Variants in NLRP2 observed in about 807,000 individuals in gnomAD.
NLRP2 encodes NLR family pyrin domain containing 2, also known as NACHT, LRR and PYD domains-containing protein 2.
NLRP2 carries 107 observed loss-of-function variants against 97.2 expected under a neutral mutation model. That is an observed-to-expected ratio of 1.10 (90% CI 0.94 to 1.29). The LOEUF is 1.29. NLRP2 is among the 50% of genes most tolerant of loss of function. The pLI, the probability that NLRP2 is intolerant of heterozygous loss-of-function variation, is 0.00. For synonymous variants in NLRP2, 663 were observed against 551.5 expected (o/e 1.20, Z -2.83); for missense variants, 1,495 against 1,330.3 (o/e 1.12, Z -1.93).
chr19:54,975,482 C>A lies in NLRP2; in HGVS notation c.325+938C>A, dbSNP rs546957441. Among the ~76,000 whole-genome samples the A allele has an allele frequency of 2.1e-5, 3 of 142,210 alleles. 1 individual carries two copies. Among genetic ancestry groups the A allele is most frequent in the African/African-American group, 8.1e-5 (3 of 37,086 alleles). 93.3% of individuals were successfully genotyped at this position (142,210 alleles called of 152,430 possible). ...TTTTTTTTTTTTTGAGATAGAGTCTCTCTCTGTTGCCCAGGCTGGAGTGCA... is the reference window on the plus strand; with the variant it reads ...TTTTTTTTTTTTTGAGATAGAGTCTATCTCTGTTGCCCAGGCTGGAGTGCA... On this transcript the variant is annotated intron_variant, in intron 3 of 12. Coordinates refer to ENST00000448584, the MANE Select transcript of NLRP2 (RefSeq NM_017852.5).
chr19:54,974,295 A>C, intron 2 of NLRP2: 2 of 620,110 alleles, frequency 3.2e-6, no homozygotes, highest in Non-Finnish European at 5.7e-6. Context: ...CAGAGGTTGC[A>C]GTGAGCCAAG....
intron 4 of NLRP2, among the ~76,000 whole-genome samples, chr19:54,979,319 C>T (rs1175389442): frequency 2.0e-5 from 3 of 151,844 alleles, no homozygotes; most frequent in Non-Finnish European, 4.4e-5. Flanking sequence ...GCTTACTCCA[C>T]ATTCCCTCTT....
chr19:54,976,056 CTTTT>C (rs75652002), intron 3 of NLRP2, among the ~76,000 whole-genome samples: 30 of 148,468 alleles, frequency 2.0e-4, no homozygotes, highest in Admixed American at 4.7e-4. Flanking sequence ...GCCATGAAGA[CTTTT>C]TTTTTTTGGA....
chr19:54,973,615 C>T (rs1000461590), intron 2 of NLRP2, among the ~76,000 whole-genome samples: 8 of 152,060 alleles, frequency 5.3e-5, no homozygotes, highest in Non-Finnish European at 1.2e-4. Context: ...CTCAGGTGAT[C>T]TGCCCACCTC....
upstream of NLRP2, among the ~76,000 whole-genome samples, chr19:54,965,549 G>A (rs2070335229): frequency 2.3e-5 from 2 of 88,746 alleles, no homozygotes; most frequent in Non-Finnish European, 4.7e-5. Context: ...TCCGCCTCCC[G>A]GGTTCACGCC....
At chr19:54,972,075 C>A (rs141573213) in intron 2 of NLRP2, among the ~76,000 whole-genome samples, 1 of 150,198 alleles carries the variant, frequency 6.7e-6, no homozygotes, top group African/African-American at 2.5e-5. Flanking sequence ...ATGTCGTGAC[C>A]TCATGATCTG....
chr19:54,989,759 A>G, intron 8 of NLRP2: 1 of 556,416 alleles, frequency 1.8e-6, no homozygotes, highest in Non-Finnish European at 3.2e-6. Context: ...CGAGGTGGGC[A>G]GATCACCTGA....
intron 8 of NLRP2, among the ~76,000 whole-genome samples, chr19:54,988,773 C>T (rs111233548): frequency 0.012 from 1,790 of 152,316 alleles, 38 homozygotes; most frequent in African/African-American, 0.039. Context: ...CTGCCTTGGC[C>T]TGCCAAAGTC....
rs191962622 is a variant in NLRP2 at position 54,981,467 on chromosome 19, C to T, written c.398-150C>T. On this transcript the variant is annotated intron_variant, in intron 4 of 12. Transcript: ENST00000448584. ...ATAGGCATGAGCCACCACACCTGGCCGGAAAACACATTTGTAGCTTATTTG... is the reference window on the plus strand; with the variant it reads ...ATAGGCATGAGCCACCACACCTGGCTGGAAAACACATTTGTAGCTTATTTG... 2.4e-4 allele frequency: 157 copies of T among 652,218 alleles called. 2 individuals are homozygous for T. Among genetic ancestry groups the T allele is most frequent in the African/African-American group, 2.1e-3 (117 of 55,888 alleles). 40.4% of individuals were successfully genotyped at this position (652,218 alleles called of 1,614,324 possible).
chr19:54,976,629 G>C (rs4806462), intron 3 of NLRP2, among the ~76,000 whole-genome samples: 13,886 of 151,880 alleles, frequency 0.091, 901 homozygotes, highest in East Asian at 0.24. Flanking sequence ...TTACAGGCAT[G>C]AGCCACCTCA....
intron 7 of NLRP2, among the ~76,000 whole-genome samples, 169 bp from the exon 8 acceptor site, chr19:54,985,982 A>G (rs112392757): frequency 5.9e-5 from 9 of 152,146 alleles, no homozygotes; most frequent in African/African-American, 2.2e-4. Context: ...AGCCTGGGCA[A>G]CAGAGTGAGA....
intron 1 of NLRP2, among the ~76,000 whole-genome samples, chr19:54,968,564 A>G (rs2070629945): frequency 6.6e-6 from 1 of 150,900 alleles, no homozygotes; most frequent in Admixed American, 6.6e-5. Flanking sequence ...TCAAACTCCA[A>G]GCAATCCTCC....
intron 2 of NLRP2, 33 bp downstream of exon 2, chr19:54,970,328 G>A (rs1602296255): frequency 6.2e-7 from 1 of 1,612,812 alleles, no homozygotes; most frequent in East Asian, 2.2e-5. Context: ...TGTGTCCTAG[G>A]AGGAAGCAGG....
intron 11 of NLRP2, among the ~76,000 whole-genome samples, chr19:54,996,586 A>T (rs968478786): frequency 2.0e-5 from 3 of 152,122 alleles, no homozygotes. Context: ...GTAAAATCCT[A>T]TATTGACGAT....
At chr19:54,989,875 C>CG (rs1258750908) in intron 8 of NLRP2, 147 bp from the exon 9 acceptor site, 2 of 793,596 alleles carry the variant, frequency 2.5e-6, no homozygotes, top group African/African-American at 3.4e-5. Flanking sequence ...CCTGCAGTCC[C>CG]AGCTACTCGG....
intron 9 of NLRP2, 150 bp from the exon 10 acceptor site, chr19:54,990,352 T>C: frequency 9.0e-7 from 1 of 1,116,086 alleles, no homozygotes; most frequent in Admixed American, 1.9e-5. Context: ...TGTTCTTCTC[T>C]CATTCCTATT....
chr19:54,968,541 G>A (rs1348945980), intron 1 of NLRP2, among the ~76,000 whole-genome samples: 1 of 143,662 alleles, frequency 7.0e-6, no homozygotes, highest in East Asian at 2.1e-4. Context: ...TTGCCATGTT[G>A]CCCAGGCTGG....
In NLRP2 at chr19:54,970,023, C is replaced by T. The variant is rs201859308; in HGVS notation, c.8C>T (p.Ser3Phe). The change falls in exon 2 of 13, where the codon TCT becomes TTT. Residue 3 changes from serine to phenylalanine, a missense_variant. Physicochemically the swap from Ser to Phe is radical, Grantham distance 155. Coordinates refer to ENST00000448584, the MANE Select transcript of NLRP2 (RefSeq NM_017852.5). ...GCTCCCACGTGGGACAAGATGGTGT[C>T]TTCGGCGCAGATGGGCTTCAACCTG... MV[S>F]SAQMGFNLQA... The T allele has an allele frequency of 7.2e-5, 116 of 1,613,466 alleles. No homozygotes were observed. Among genetic ancestry groups the T allele is most frequent in the South Asian group, 2.2e-5 (2 of 91,052 alleles).
At position 54,970,050 on chromosome 19, in the gene NLRP2, A is replaced by C. The variant is rs2070742842; in HGVS notation, c.35A>C (p.Gln12Pro). 1 of 1,613,934 alleles carries C rather than the reference A, an allele frequency of 6.2e-7. No individual in the cohort carries two copies. Among genetic ancestry groups the C allele is most frequent in the African/African-American group, 1.3e-5 (1 of 74,914 alleles). Residue 12 changes from glutamine to proline, a missense_variant, in exon 2 of 13, where the codon CAG becomes CCG. By Grantham distance (76) the Gln-to-Pro change is moderately conservative (BLOSUM62 -1). Coordinates refer to ENST00000448584, the MANE Select transcript of NLRP2 (RefSeq NM_017852.5). ...VSSAQMGFNLQALLEQLSQDE... is the reference protein window; with the variant it reads ...VSSAQMGFNLPALLEQLSQDE... ...TCGGCGCAGATGGGCTTCAACCTGC[A>C]GGCTCTCCTGGAGCAGCTCAGCCAG... is the stretch of plus-strand genomic sequence containing the variant.
Sources: gnomAD v4.1 joint callset for allele counts (sites outside exome capture counted in the v4.1 genomes callset) on GRCh38, gnomAD v4.1.1 for gene constraint, MANE v1.5 for transcripts, NCBI Gene and HGNC (gene_info 2026-07-23, HGNC 2026-07-21) for gene names.